Variants in SLC4A9 observed in about 807,000 individuals in gnomAD.
SLC4A9 encodes the protein anion exchange protein 4.
In SLC4A9, 102 loss-of-function variants were observed where a neutral mutation model predicts 103.2. The observed-to-expected ratio is 0.99, with a 90% CI of 0.84 to 1.17. The LOEUF (loss-of-function observed/expected upper bound fraction) is 1.17, where lower values mean the gene tolerates loss of function less well. Ranked by LOEUF, SLC4A9 falls within the 50% of genes most tolerant of loss-of-function variation. The probability of loss-of-function intolerance (pLI) is 0.00; values close to 1 mark genes in which losing one functional copy is unlikely to be tolerated. For missense variants in SLC4A9, 1,091 were observed against 1,193.7 expected (o/e 0.91, Z 1.27); for synonymous variants, 453 against 483.6 (o/e 0.94, Z 0.83).
intron 11 of SLC4A9, 137 bp from the exon 12 acceptor site, chr5:140,365,383 T>G (rs1767724351): frequency 1.5e-6 from 1 of 689,022 alleles, no homozygotes; most frequent in African/African-American, 1.8e-5. Flanking sequence ...GCACACTTGG[T>G]AGTGATAGAG....
chr5:140,366,171 C>A lies in SLC4A9; in HGVS notation c.1920C>A (p.Asp640Glu). ...FPSVVRKGLS[D>E]FSSVLAILLG... The stretch of plus-strand genomic sequence containing the variant: ...GCCAGGTGCGCAAAGGGCTCAGCGA[C>A]TTCTCCTCAGTCCTGGCCATCCTGC... The change falls in exon 14 of 22, where the codon GAC becomes GAA. Residue 640 changes from aspartate (D) to glutamate (E), a missense_variant. Coordinates refer to ENST00000506757, the MANE Select transcript of SLC4A9 (RefSeq NM_031467.3). The A allele has an allele frequency of 6.2e-7, 1 of 1,613,448 alleles. No individual in the cohort carries two copies. The highest frequency in any genetic ancestry group is 8.5e-7 in the Non-Finnish European group (1 of 1,179,574).
At chr5:140,362,563 C>CGCACGCGTGCATGCCTGTGTGTGTGT in intron 6 of SLC4A9, 31 bp downstream of exon 6, 1 of 1,596,962 alleles carries the variant, frequency 6.3e-7, no homozygotes, top group Non-Finnish European at 8.6e-7. Flanking sequence ...TGTGTGCGCG[C>CGCACGCGTGCATGCCTGTGTGTGTGT]GCACGCGTGC....
intron 20 of SLC4A9, 61 bp downstream of exon 20, chr5:140,372,458 C>T: frequency 6.3e-7 from 1 of 1,580,472 alleles, no homozygotes. Flanking sequence ...GCGTTCTTGT[C>T]CAGGAGCTGT....
chr5:140,362,280 G>A, intron 5 of SLC4A9, 106 bp downstream of exon 5: 1 of 1,337,768 alleles, frequency 7.5e-7, no homozygotes, highest in East Asian at 2.5e-5. Context: ...CTGTGGGGAG[G>A]ATGGTGCTCA....
At position 140,364,635 on chromosome 5, in the gene SLC4A9, G is replaced by A. The variant is rs760711808; in HGVS notation, c.1651+10G>A. On this transcript the variant is annotated intron_variant, in intron 11 of 21. Transcript: ENST00000506757. ...TACCCAGGCCCAGGAGGTGGGTAAG[G>A]GAAACAGGGACCTTGGTCAGGTGAA... The A allele has an allele frequency of 1.3e-6, 2 of 1,596,682 alleles. No individual in the cohort carries two copies. Among genetic ancestry groups the A allele is most frequent in the South Asian group, 2.3e-5 (2 of 88,222 alleles).
At chr5:140,366,792 C>T (rs887897339) in intron 14 of SLC4A9, among the ~76,000 whole-genome samples, 5 of 152,154 alleles carry the variant, frequency 3.3e-5, no homozygotes, top group Non-Finnish European at 5.9e-5. Context: ...CTACTCCTCA[C>T]TCTCTTCTTC....
In SLC4A9 at chr5:140,367,436, GT is replaced by G; in HGVS notation, c.2031del (p.Gly678AlafsTer63). The G allele has an allele frequency of 1.2e-6, 2 of 1,611,796 alleles. No homozygotes were observed. Among genetic ancestry groups the G allele is most frequent in the Non-Finnish European group, 1.7e-6 (2 of 1,179,136 alleles). ...PREFKPTLPG[R>X]GWLVSPFGAN... ...CTCCTCCAGCCCACACTCCCTGGGC[GT>G]GGCTGGCTGGTGTCACCTTTTGGAG... On this transcript the variant is annotated frameshift_variant, in exon 15 of 22. Transcript: ENST00000506757. LOFTEE classifies it high-confidence loss of function.
chr5:140,364,011 C>T (rs2126757169), intron 9 of SLC4A9, 43 bp from the exon 10 acceptor site: 1 of 1,530,544 alleles, frequency 6.5e-7, no homozygotes, highest in Non-Finnish European at 8.8e-7. Context: ...CAAAGGACCC[C>T]GAGGACTTCA....
At chr5:140,365,027 G>T (rs1011966588) in intron 11 of SLC4A9, among the ~76,000 whole-genome samples, 2 of 152,224 alleles carry the variant, frequency 1.3e-5, no homozygotes, top group Admixed American at 1.3e-4. Flanking sequence ...GGCCAGGTAT[G>T]CCCAGCTTCA....
Position 140,367,533 on chromosome 5 carries a change from C to T in SLC4A9, c.2127C>T (p.Asp709=). ...TGCTGTCTATCCTCATCTTCATGGA[C>T]CAACAGATCACAGCAGTCATCCTCA... ...ALLLSILIFM[D]QQITAVILNR... The change falls in exon 15 of 22, where the codon GAC becomes GAT. Residue 709 remains aspartate (D), a synonymous_variant. Transcript: ENST00000506757. 1 of 1,604,078 alleles carries T rather than the reference C, an allele frequency of 6.2e-7. No individual in the cohort carries two copies. The highest frequency in any genetic ancestry group is 8.5e-7 in the Non-Finnish European group (1 of 1,175,472).
Position 140,367,517 on chromosome 5 carries a change from T to G in SLC4A9, c.2111T>G (p.Ile704Ser), listed in dbSNP as rs750303227. Residue 704 changes from isoleucine to serine, a missense_variant, in exon 15 of 22, where the codon ATC becomes AGC. By Grantham distance (142) the Ile-to-Ser change is moderately radical (BLOSUM62 -2). Transcript: ENST00000506757. ...GCCCTGCCTGCCCTGCTGCTGTCTA[T>G]CCTCATCTTCATGGACCAACAGATC... ...AAALPALLLSILIFMDQQITA... is the reference protein window; with the variant it reads ...AAALPALLLSSLIFMDQQITA... The G allele has an allele frequency of 2.7e-5, 43 of 1,604,678 alleles. No individual in the cohort carries two copies. The Middle Eastern group carries it at 4.9e-4, about 18-fold the overall frequency.
Position 140,362,156 on chromosome 5 carries a change from A to T in SLC4A9, c.701A>T (p.Glu234Val), listed in dbSNP as rs1343387937. ...CCTGTGGTACTGGGGTCCCTTACTG[A>T]GGTGTCCCTCCCAAGCAGGTGAGGC... Reference protein sequence around the residue: ...RNPVVLGSLTEVSLPSRFFCL... With the variant: ...RNPVVLGSLTVVSLPSRFFCL... Residue 234 changes from glutamate (E) to valine (V), a missense_variant, in exon 5 of 22, where the codon GAG (glutamate) becomes GTG (valine). Glu to Val is a moderately radical substitution (Grantham distance 121). Coordinates refer to ENST00000506757, the MANE Select transcript of SLC4A9 (RefSeq NM_031467.3). 1 of 1,547,770 alleles carries T rather than the reference A, an allele frequency of 6.5e-7. No homozygotes were observed. The highest frequency in any genetic ancestry group is 8.7e-7 in the Non-Finnish European group (1 of 1,154,786).
intron 19 of SLC4A9, 66 bp downstream of exon 19, chr5:140,371,690 G>A: frequency 6.4e-7 from 1 of 1,560,914 alleles, no homozygotes; most frequent in Non-Finnish European, 8.8e-7. Flanking sequence ...TGGAAGGGTG[G>A]CCAAGGCCTC....
Position 140,363,317 on chromosome 5 carries a change from C to T in SLC4A9, c.963-122C>T. On this transcript the variant is annotated intron_variant, in intron 7 of 21. Transcript: ENST00000506757. The surrounding 1 kb of genome is among the most constrained non-coding windows in gnomAD (Gnocchi z 4.5). ...GGACCTTCTAGAGGCCCAGGTGTCGCCATGGTTCCCTCGCCGGCAGAGACA... is the reference window on the plus strand; with the variant it reads ...GGACCTTCTAGAGGCCCAGGTGTCGTCATGGTTCCCTCGCCGGCAGAGACA... The T allele has an allele frequency of 9.9e-7, 1 of 1,014,946 alleles. No homozygotes were observed. Among genetic ancestry groups the T allele is most frequent in the Non-Finnish European group, 1.4e-6 (1 of 691,782 alleles). The allele number at this position is 1,014,946 out of a possible 1,614,324, so 62.9% of individuals were successfully genotyped here.
intron 6 of SLC4A9, 35 bp downstream of exon 6, chr5:140,362,567 C>A: frequency 6.3e-7 from 1 of 1,587,912 alleles, no homozygotes; most frequent in Non-Finnish European, 8.6e-7. Context: ...TGCGCGCGCA[C>A]GCGTGCATGC....
intron 12 of SLC4A9, 34 bp downstream of exon 12, chr5:140,365,612 A>C (rs961828171): frequency 2.5e-6 from 4 of 1,603,172 alleles, no homozygotes; most frequent in Non-Finnish European, 2.6e-6. Context: ...TCTAGGAAGG[A>C]AAGGGTGGAG....
intron 6 of SLC4A9, 61 bp from the exon 7 acceptor site, chr5:140,362,851 T>A: frequency 6.2e-7 from 1 of 1,602,906 alleles, no homozygotes; most frequent in East Asian, 2.2e-5. Flanking sequence ...TTTGAGACTA[T>A]GAAAATGCAT....
chr5:140,371,297 C>T, intron 18 of SLC4A9, 134 bp downstream of exon 18: 1 of 1,379,272 alleles, frequency 7.3e-7, no homozygotes, highest in Non-Finnish European at 1.0e-6. Context: ...TGCCAATTTC[C>T]CTCTTACTCT....
intron 11 of SLC4A9, 108 bp downstream of exon 11, chr5:140,364,733 C>CTGCCAG: frequency 7.4e-7 from 1 of 1,346,116 alleles, no homozygotes; most frequent in Non-Finnish European, 1.0e-6. Flanking sequence ...ATGCTGCATA[C>CTGCCAG]TTACCCAATA....
Sources: allele counts gnomAD v4.1 joint callset (sites outside exome capture counted in the v4.1 genomes callset), GRCh38; gene constraint gnomAD v4.1.1; non-coding constraint Gnocchi (gnomAD v3.1); transcripts MANE v1.5; gene names NCBI Gene and HGNC (gene_info 2026-07-23, HGNC 2026-07-21).